The following COL14A1 variants were observed in gnomAD, a reference collection of about 807,000 sequenced individuals.
The protein encoded by COL14A1 is collagen type XIV alpha 1 chain, also known as collagen alpha-1(XIV) chain.
In COL14A1, 136 loss-of-function variants were observed where a neutral mutation model predicts 230.3. The observed-to-expected ratio is 0.59, with a 90% CI of 0.51 to 0.68. The LOEUF (loss-of-function observed/expected upper bound fraction) is 0.68. COL14A1 is among the 30% of genes least tolerant of loss of function. The probability of loss-of-function intolerance (pLI) is 0.00; values close to 1 mark genes in which losing one functional copy is unlikely to be tolerated. For missense variants in COL14A1, 1,976 were observed against 2,215.8 expected (o/e 0.89, Z 2.17); for synonymous variants, 792 against 784.1 (o/e 1.01, Z -0.17).
At chr8:120,308,296 A>G (rs1463126477) in intron 36 of COL14A1, among the ~76,000 whole-genome samples, 1 of 152,216 alleles carries the variant, frequency 6.6e-6, no homozygotes, top group African/African-American at 2.4e-5. Context: ...GCATTGTTTA[A>G]ATGGCTGAAA....
chr8:120,301,325 A>G (rs146228417), intron 36 of COL14A1, among the ~76,000 whole-genome samples: 234 of 152,174 alleles, frequency 1.5e-3, no homozygotes, highest in African/African-American at 5.3e-3. Flanking sequence ...AGTACTCAAT[A>G]GCTATTTTTC....
intron 26 of COL14A1, among the ~76,000 whole-genome samples, chr8:120,273,811 A>T (rs1819752989): frequency 6.6e-6 from 1 of 151,526 alleles, no homozygotes; most frequent in Admixed American, 6.6e-5. Context: ...TTTCCAAAAA[A>T]AAAAAAAGGC....
chr8:120,333,437 T>G (rs541087774), intron 42 of COL14A1, among the ~76,000 whole-genome samples: 1 of 152,232 alleles, frequency 6.6e-6, no homozygotes, highest in Admixed American at 6.5e-5. Context: ...GGTTTAGATG[T>G]TAGTCAGCAT....
chr8:120,191,440 T>G (rs1586751794), intron 5 of COL14A1, among the ~76,000 whole-genome samples: 1 of 151,534 alleles, frequency 6.6e-6, no homozygotes, highest in East Asian at 1.9e-4. Flanking sequence ...TCTTTTACAT[T>G]TGCTGAGGAG....
At chr8:120,231,689 G>A in intron 19 of COL14A1, 71 bp downstream of exon 19, 1 of 1,485,746 alleles carries the variant, frequency 6.7e-7, no homozygotes, top group African/African-American at 1.4e-5. Context: ...TGTCTTCGGA[G>A]ATCAATGCAA....
At chr8:120,163,715 A>G (rs185846870) in intron 4 of COL14A1, among the ~76,000 whole-genome samples, 234 of 152,330 alleles carry the variant, frequency 1.5e-3, no homozygotes, top group Non-Finnish European at 2.7e-3. Flanking sequence ...GTGAGCCGAG[A>G]TTGCGCCATC....
rs954682799 is a variant in COL14A1, at chr8:120,372,704, T to A, written c.*1473T>A. Among the ~76,000 whole-genome samples the A allele has an allele frequency of 2.6e-5, 4 of 152,106 alleles. No homozygotes were observed. Among genetic ancestry groups the A allele is most frequent in the African/African-American group, 7.2e-5 (3 of 41,420 alleles). ...TCTTTCTGTCCTTCTCATAATCTCC[T>A]GATCTTTGGAGATGAAAGATCTCCT... On this transcript the variant is annotated 3_prime_UTR_variant, in exon 48 of 48. Coordinates refer to ENST00000297848, the MANE Select transcript of COL14A1 (RefSeq NM_021110.4).
chr8:120,177,716 A>C (rs1816331105), intron 5 of COL14A1, among the ~76,000 whole-genome samples: 1 of 147,566 alleles, frequency 6.8e-6, no homozygotes, highest in Admixed American at 6.8e-5. Context: ...ATATATACAT[A>C]CACACTATAT....
At position 120,216,382 on chromosome 8, in the gene COL14A1, C is replaced by T. The variant is rs372132715; in HGVS notation, c.1629C>T (p.Ile543=). Residue 543 remains isoleucine (I), a synonymous_variant, in exon 14 of 48, where the codon ATC becomes ATT. Coordinates refer to ENST00000297848, the MANE Select transcript of COL14A1 (RefSeq NM_021110.4). ...TAAGTCCACCAAGAAACCTGAGAATCTCCAATGTTGGCTCTAACAGTGCTC... is the reference window on the plus strand; with the variant it reads ...TAAGTCCACCAAGAAACCTGAGAATTTCCAATGTTGGCTCTAACAGTGCTC... ...LALSPPRNLR[I]SNVGSNSARL... 1.1e-4 allele frequency: 183 copies of T among 1,613,036 alleles called. No individual in the cohort carries two copies. In the Middle Eastern group the frequency reaches 2.3e-3, roughly 20 times the overall value.
At chr8:120,315,723 C>T (rs1821201388) in intron 39 of COL14A1, 137 bp downstream of exon 39, 1 of 805,606 alleles carries the variant, frequency 1.2e-6, no homozygotes, top group Non-Finnish European at 2.0e-6. Context: ...ATTCACTTAC[C>T]CTAAGCCCCT....
chr8:120,156,167 G>A (rs976530363), intron 2 of COL14A1, among the ~76,000 whole-genome samples: 1 of 111,006 alleles, frequency 9.0e-6, no homozygotes, highest in Non-Finnish European at 1.8e-5. Flanking sequence ...TCAATGAAGG[G>A]TGACTTCTTT....
chr8:120,330,216 G>C (rs770345048), intron 40 of COL14A1, among the ~76,000 whole-genome samples: 1 of 152,176 alleles, frequency 6.6e-6, no homozygotes, highest in Admixed American at 6.5e-5. Context: ...GTGAGCCCAC[G>C]CATCCCCTGC....
At chr8:120,283,171 A>G (rs1432000240) in intron 31 of COL14A1, among the ~76,000 whole-genome samples, 3 of 152,162 alleles carry the variant, frequency 2.0e-5, no homozygotes. Flanking sequence ...TGGAAGGTGG[A>G]TCTGGATGGT....
chr8:120,213,651 G>A (rs1817672191), intron 13 of COL14A1, among the ~76,000 whole-genome samples: 1 of 152,112 alleles, frequency 6.6e-6, no homozygotes, highest in African/African-American at 2.4e-5. Context: ...CTAACCATTT[G>A]AAAGAAAAGC....
Position 120,237,543 on chromosome 8 carries a change from A to T in COL14A1, c.2349+5925A>T, listed in dbSNP as rs190874194. On this transcript the variant is annotated intron_variant, in intron 19 of 47. Transcript: ENST00000297848. Reference sequence around the variant, plus strand: ...TTATCAAGGTTCTTAGCTTCCTTGCATTGGGTTAGAATATGCTCCTTTAGC... The same window carrying T: ...TTATCAAGGTTCTTAGCTTCCTTGCTTTGGGTTAGAATATGCTCCTTTAGC... Among the ~76,000 whole-genome samples the T allele has an allele frequency of 1.8e-3, 271 of 152,258 alleles. 2 individuals carry two copies. Among genetic ancestry groups the T allele is most frequent in the Middle Eastern group, 3.4e-3 (1 of 294 alleles).
chr8:120,190,685 TG>T (rs1427917158), intron 5 of COL14A1, among the ~76,000 whole-genome samples: 2 of 152,220 alleles, frequency 1.3e-5, no homozygotes, highest in East Asian at 3.8e-4. Context: ...GGACTCTTTT[TG>T]GTTGGTAAGC....
At position 120,332,225 on chromosome 8, in the gene COL14A1, C is replaced by G. The variant is rs376186620; in HGVS notation, c.4713+31C>G. 1.9e-6 allele frequency: 3 copies of G among 1,598,904 alleles called. No homozygotes were observed. The African/African-American group carries it at 4.0e-5, about 21-fold the overall frequency. On this transcript the variant is annotated intron_variant, in intron 41 of 47. Transcript: ENST00000297848. ...CCTTTCCAGAAACTACTGGGACATACTCTGTTTTAAAGCACTTCATTTCTT... is the reference window on the plus strand; with the variant it reads ...CCTTTCCAGAAACTACTGGGACATAGTCTGTTTTAAAGCACTTCATTTCTT...
intron 20 of COL14A1, among the ~76,000 whole-genome samples, chr8:120,246,024 A>G (rs1025373554): frequency 6.6e-6 from 1 of 152,222 alleles, no homozygotes; most frequent in African/African-American, 2.4e-5. Context: ...TTTATCCATC[A>G]TAATTACCAA....
At chr8:120,233,693 C>G (rs977594932) in intron 19 of COL14A1, among the ~76,000 whole-genome samples, 2 of 152,046 alleles carry the variant, frequency 1.3e-5, no homozygotes, top group African/African-American at 4.8e-5. Context: ...GTTTTGGTAC[C>G]AATACCAAGC....
Sources: allele counts gnomAD v4.1 joint callset (sites outside exome capture counted in the v4.1 genomes callset), GRCh38; gene constraint gnomAD v4.1.1; transcripts MANE v1.5; gene names NCBI Gene and HGNC (gene_info 2026-07-23, HGNC 2026-07-21).